DPYD: variants seen among roughly 807,000 people sequenced by gnomAD.
DPYD encodes the protein dihydropyrimidine dehydrogenase.
Under a neutral mutation model 116.2 loss-of-function variants are expected in DPYD, and 109 were observed. The ratio of observed to expected loss-of-function variants is 0.94; its 90% CI spans 0.80 to 1.10. The LOEUF is 1.10. DPYD is among the 50% of genes least tolerant of loss of function. The pLI is 0.00. For missense variants in DPYD, 1,302 were observed against 1,254.5 expected, an observed-to-expected ratio of 1.04 and a Z score of -0.57; for synonymous variants, 440 against 432.0, an observed-to-expected ratio of 1.02 and a Z score of -0.23.
chr1:97,500,602 G>A (rs566685495), intron 13 of DPYD, among the ~76,000 whole-genome samples: 38 of 150,358 alleles, frequency 2.5e-4, no homozygotes, highest in African/African-American at 5.6e-4. Flanking sequence ...CATACAAGGC[G>A]TAGATTAATA....
intron 13 of DPYD, among the ~76,000 whole-genome samples, chr1:97,474,665 A>G (rs1287015755): frequency 6.6e-6 from 1 of 152,006 alleles, no homozygotes; most frequent in African/African-American, 2.4e-5. Flanking sequence ...CACAGAAGCT[A>G]TGTGTTATTT....
intron 16 of DPYD, among the ~76,000 whole-genome samples, chr1:97,344,670 A>G (rs750444010): frequency 3.3e-5 from 5 of 151,614 alleles, no homozygotes; most frequent in Admixed American, 6.6e-5. Context: ...AGACATAGAG[A>G]TCTATCTCAC....
intron 3 of DPYD, among the ~76,000 whole-genome samples, chr1:97,767,799 T>A (rs1665947468): frequency 6.9e-6 from 1 of 145,200 alleles, no homozygotes; most frequent in Non-Finnish European, 1.5e-5. Context: ...CATGCAATGA[T>A]CCCCTGCAAA....
At chr1:97,559,642 CT>C (rs142860494) in intron 11 of DPYD, among the ~76,000 whole-genome samples, 23 of 147,866 alleles carry the variant, frequency 1.6e-4, no homozygotes, top group East Asian at 2.0e-4. Flanking sequence ...CATCTTACGG[CT>C]TTTTTTTTTC....
intron 10 of DPYD, among the ~76,000 whole-genome samples, chr1:97,579,870 G>T (rs983640423): frequency 1.3e-5 from 2 of 152,132 alleles, no homozygotes; most frequent in East Asian, 3.9e-4. Context: ...ACACAGTAGT[G>T]GGAAAGTTAA....
intron 16 of DPYD, among the ~76,000 whole-genome samples, chr1:97,325,711 G>T (rs1218794853): frequency 6.6e-6 from 1 of 151,974 alleles, no homozygotes; most frequent in African/African-American, 2.4e-5. Flanking sequence ...AACAGTGAAG[G>T]TGATTGTAGT....
intron 1 of DPYD, among the ~76,000 whole-genome samples, chr1:97,902,311 T>C (rs9661407): frequency 0.98 from 148,026 of 151,774 alleles, 72,298 homozygotes; most frequent in Middle Eastern, 1. Flanking sequence ...ATGAGGCTCC[T>C]GAATACTTTG....
chr1:97,870,914 AC>A (rs1671624068), intron 2 of DPYD, among the ~76,000 whole-genome samples: 1 of 151,836 alleles, frequency 6.6e-6, no homozygotes, highest in Non-Finnish European at 1.5e-5. Context: ...GAATAGGGGA[AC>A]GATTAGAAAG....
At chr1:97,893,532 T>A (rs1431942001) in intron 1 of DPYD, among the ~76,000 whole-genome samples, 2 of 148,284 alleles carry the variant, frequency 1.3e-5, no homozygotes, top group Non-Finnish European at 3.0e-5. Flanking sequence ...CCAACATGTT[T>A]AGGTAAATTT....
intron 13 of DPYD, among the ~76,000 whole-genome samples, chr1:97,453,378 T>C (rs1355356294): frequency 6.6e-6 from 1 of 152,114 alleles, no homozygotes; most frequent in Non-Finnish European, 1.5e-5. Flanking sequence ...CCAACTACAG[T>C]TGTCTTTTAT....
chr1:97,235,109 C>T, intron 18 of DPYD, 115 bp from the exon 19 acceptor site: 2 of 1,251,152 alleles, frequency 1.6e-6, no homozygotes, highest in South Asian at 1.3e-5. Context: ...TTTCAAATTA[C>T]TTTATCTCTG....
At chr1:97,555,749 C>T (rs1651655414) in intron 11 of DPYD, among the ~76,000 whole-genome samples, 1 of 152,094 alleles carries the variant, frequency 6.6e-6, no homozygotes, top group East Asian at 1.9e-4. Context: ...TTTAATACCA[C>T]TAAGGAACTC....
chr1:97,292,269 C>A (rs1179804721), intron 18 of DPYD, among the ~76,000 whole-genome samples: 1 of 152,142 alleles, frequency 6.6e-6, no homozygotes, highest in Non-Finnish European at 1.5e-5. Flanking sequence ...ATACCCGAGA[C>A]TGGGTAATGT....
At chr1:97,797,127 A>G (rs1371154254) in intron 3 of DPYD, 2 of 152,160 alleles carry the variant, frequency 1.3e-5, no homozygotes, top group Non-Finnish European at 1.5e-5. Context: ...CTTTAAAAAA[A>G]TGCAAGGAGG....
chr1:97,593,349 C>A lies in DPYD; in HGVS notation c.997G>T (p.Gly333Ter). 1 of 1,614,128 alleles carries A rather than the reference C, an allele frequency of 6.2e-7. No homozygotes were observed. The highest frequency in any genetic ancestry group is 8.5e-7 in the Non-Finnish European group (1 of 1,180,002). The change falls in exon 10 of 23, where the codon GGA becomes TGA. Residue 333 changes from glycine to a stop codon, truncating the protein, a stop_gained. Coordinates refer to ENST00000370192, the MANE Select transcript of DPYD (RefSeq NM_000110.4). LOFTEE classifies it high-confidence loss of function. ...ACHSPLPSIRGVVIVLGAGDT... is the reference protein window; with the variant it reads ...ACHSPLPSIR Reference sequence around the variant, plus strand: ...CCAGCTCCAAGTACAATCACGACTCCCCGTATCGATGGCAATGGAGAGTGA... The same window carrying A: ...CCAGCTCCAAGTACAATCACGACTCACCGTATCGATGGCAATGGAGAGTGA...
chr1:97,905,765 A>G (rs1279160396), intron 1 of DPYD, among the ~76,000 whole-genome samples: 1 of 152,072 alleles, frequency 6.6e-6, no homozygotes, highest in East Asian at 1.9e-4. Flanking sequence ...CAGTGAATAC[A>G]TACGGTCAGG....
chr1:97,721,456 A>T, intron 5 of DPYD, 54 bp downstream of exon 5: 1 of 1,599,900 alleles, frequency 6.3e-7, no homozygotes, highest in South Asian at 1.1e-5. Context: ...TTATTTTAAG[A>T]TATTTGTGCA....
At chr1:97,562,155 T>C (rs895108676) in intron 11 of DPYD, among the ~76,000 whole-genome samples, 1 of 152,152 alleles carries the variant, frequency 6.6e-6, no homozygotes, top group African/African-American at 2.4e-5. Flanking sequence ...CACAAGTATG[T>C]AGGAGGGCAG....
chr1:97,350,048 A>T (rs903873925), intron 16 of DPYD, among the ~76,000 whole-genome samples: 2 of 152,018 alleles, frequency 1.3e-5, no homozygotes, highest in African/African-American at 2.4e-5. Flanking sequence ...GTTAATTTTT[A>T]AGCAAAATTC....
Sources: allele counts gnomAD v4.1 joint callset (sites outside exome capture counted in the v4.1 genomes callset), GRCh38; gene constraint gnomAD v4.1.1; transcripts MANE v1.5; gene names NCBI Gene and HGNC (gene_info 2026-07-23, HGNC 2026-07-21).